The following KCNMB2 variants were observed in gnomAD, a reference collection of about 807,000 sequenced individuals.
The protein encoded by KCNMB2 is potassium calcium-activated channel subfamily M regulatory beta subunit 2.
Under a neutral mutation model 24.5 loss-of-function variants are expected in KCNMB2, and 9 were observed. The ratio of observed to expected loss-of-function variants is 0.37; its 90% confidence interval spans 0.22 to 0.64. KCNMB2 has a LOEUF of 0.64. KCNMB2 is among the 30% of genes least tolerant of loss of function. The probability of loss-of-function intolerance (pLI) is 0.63; values close to 1 mark genes in which losing one functional copy is unlikely to be tolerated. For synonymous variants in KCNMB2, 109 were observed against 104.4 expected, an observed-to-expected ratio of 1.04 and a Z score of -0.27; for missense variants, 226 against 284.3, an observed-to-expected ratio of 0.79 and a Z score of 1.47.
At chr3:178,681,548 A>G (rs929609158) in intron 1 of KCNMB2, among the ~76,000 whole-genome samples, 2 of 152,210 alleles carry the variant, frequency 1.3e-5, no homozygotes, top group Non-Finnish European at 2.9e-5. Context: ...TCTTACAACA[A>G]CCATGAAAGG....
At chr3:178,668,533 T>A (rs4491880) in intron 1 of KCNMB2, among the ~76,000 whole-genome samples, 94,068 of 151,884 alleles carry the variant, frequency 0.62, 29,125 homozygotes, top group Middle Eastern at 0.75. Flanking sequence ...TAGATAGAGG[T>A]AGGAAAAAAG....
chr3:178,733,219 C>A (rs1393810556), intron 1 of KCNMB2, among the ~76,000 whole-genome samples: 3 of 152,046 alleles, frequency 2.0e-5, no homozygotes, highest in African/African-American at 7.2e-5. Flanking sequence ...GGAACAAGAG[C>A]AATCAAAGCA....
rs755809548 is a variant in KCNMB2 at position 178,754,150 on chromosome 3, G to GTATATATATA, written c.-67-53174_-67-53165dup. 3.8e-3 allele frequency among the ~76,000 whole-genome samples: 407 copies of GTATATATATA among 106,224 alleles called. 4 individuals are homozygous for GTATATATATA. Among genetic ancestry groups the GTATATATATA allele is most frequent in the African/African-American group, 6.2e-3 (164 of 26,570 alleles). The allele number at this position is 106,224 out of a possible 152,430, so 69.7% of individuals were successfully genotyped here. ...TTTCATGGCTGAATAATATTCCATT[G>GTATATATATA]TATATATATATATATATATATATAT... On this transcript the variant is annotated intron_variant, in intron 1 of 4. Transcript: ENST00000452583.
At chr3:178,771,569 C>T (rs1712365110) in intron 1 of KCNMB2, among the ~76,000 whole-genome samples, 1 of 145,846 alleles carries the variant, frequency 6.9e-6, no homozygotes, top group Non-Finnish European at 1.5e-5. Context: ...GCAGCCTCAA[C>T]CTCCTGGGCT....
At chr3:178,836,092 T>A (rs1715217717) in intron 4 of KCNMB2, among the ~76,000 whole-genome samples, 1 of 152,010 alleles carries the variant, frequency 6.6e-6, no homozygotes, top group Non-Finnish European at 1.5e-5. Flanking sequence ...CTTCCTACCA[T>A]CACAAGGAAA....
chr3:178,771,799 C>T (rs1234599183), intron 1 of KCNMB2, among the ~76,000 whole-genome samples: 1 of 152,156 alleles, frequency 6.6e-6, no homozygotes, highest in Non-Finnish European at 1.5e-5. Context: ...TACCTCACCA[C>T]CAGATCCCTT....
chr3:178,555,317 A>G (rs1440101264), intron 1 of KCNMB2, among the ~76,000 whole-genome samples: 1 of 152,210 alleles, frequency 6.6e-6, no homozygotes, highest in East Asian at 1.9e-4. Flanking sequence ...ACAACACCCA[A>G]TTTAGTCTAA....
intron 1 of KCNMB2, among the ~76,000 whole-genome samples, chr3:178,803,161 C>T (rs187503829): frequency 4.9e-4 from 75 of 152,240 alleles, no homozygotes; most frequent in East Asian, 2.5e-3. Flanking sequence ...AACTCAGAGA[C>T]GTTAAATTGA....
chr3:178,706,260 G>A (rs147026478), intron 1 of KCNMB2, among the ~76,000 whole-genome samples: 32 of 152,220 alleles, frequency 2.1e-4, no homozygotes, highest in African/African-American at 7.5e-4. Flanking sequence ...GCAAGGTCAC[G>A]ATAATACTAA....
chr3:178,545,929 G>A (rs1344196542), intron 1 of KCNMB2, among the ~76,000 whole-genome samples: 1 of 152,162 alleles, frequency 6.6e-6, no homozygotes, highest in Non-Finnish European at 1.5e-5. Context: ...ATCATTCACT[G>A]GTTTAACTTT....
Position 178,644,869 on chromosome 3 carries a change from A to T in KCNMB2, c.-68+108158A>T, listed in dbSNP as rs199914061. Among the ~76,000 whole-genome samples, 4 of 152,120 alleles carry T rather than the reference A, an allele frequency of 2.6e-5. No individual in the cohort carries two copies. In the East Asian group the frequency reaches 7.7e-4, roughly 29 times the overall value. On this transcript the variant is annotated intron_variant, in intron 1 of 4. Coordinates refer to ENST00000452583, the MANE Select transcript of KCNMB2 (RefSeq NM_181361.3). ...GTAGAGCTTTAGTTTACCCACCTATAAAATAGGGATAAGAATGTACCAAAC... is the reference window on the plus strand; with the variant it reads ...GTAGAGCTTTAGTTTACCCACCTATTAAATAGGGATAAGAATGTACCAAAC...
At chr3:178,548,138 T>G (rs919524428) in intron 1 of KCNMB2, among the ~76,000 whole-genome samples, 1 of 152,212 alleles carries the variant, frequency 6.6e-6, no homozygotes, top group African/African-American at 2.4e-5. Flanking sequence ...TACCCTCATA[T>G]TTTTCAAAGT....
At chr3:178,668,648 T>C (rs1396353122) in intron 1 of KCNMB2, among the ~76,000 whole-genome samples, 1 of 152,118 alleles carries the variant, frequency 6.6e-6, no homozygotes, top group East Asian at 1.9e-4. Context: ...TCTAATAGTA[T>C]TGCTACAGTG....
intron 1 of KCNMB2, among the ~76,000 whole-genome samples, chr3:178,707,131 C>T (rs1722306178): frequency 6.6e-6 from 1 of 152,070 alleles, no homozygotes; most frequent in Non-Finnish European, 1.5e-5. Context: ...GCAAGTGATA[C>T]TTATTTTCAG....
intron 1 of KCNMB2, among the ~76,000 whole-genome samples, chr3:178,778,458 A>ACACACGCACGCACGTGCGCGCG (rs1194364274): frequency 2.7e-5 from 1 of 37,048 alleles, no homozygotes; most frequent in South Asian, 9.3e-4. Flanking sequence ...CCTTTAAGAC[A>ACACACGCACGCACGTGCGCGCG]CACACACACA....
chr3:178,658,237 C>T (rs1009011626), intron 1 of KCNMB2, among the ~76,000 whole-genome samples: 1 of 152,120 alleles, frequency 6.6e-6, no homozygotes, highest in Non-Finnish European at 1.5e-5. Flanking sequence ...AAGATCTTGT[C>T]AAAATAATGC....
rs529898976 is a variant in KCNMB2, at chr3:178,667,272, G to T, written c.-68+130561G>T. 3.9e-5 allele frequency among the ~76,000 whole-genome samples: 6 copies of T among 152,118 alleles called. No individual in the cohort carries two copies. The South Asian group carries it at 1.2e-3, about 32-fold the overall frequency. On this transcript the variant is annotated intron_variant, in intron 1 of 4. Transcript: ENST00000452583. ...AGACCATGTGCTATTGTTTGAATGTGTCCCCTCCAAAGTTTAGATGGGGCC... is the reference window on the plus strand; with the variant it reads ...AGACCATGTGCTATTGTTTGAATGTTTCCCCTCCAAAGTTTAGATGGGGCC...
chr3:178,637,264 T>A (rs190824605), intron 1 of KCNMB2, among the ~76,000 whole-genome samples: 2 of 152,332 alleles, frequency 1.3e-5, no homozygotes, highest in African/African-American at 2.4e-5. Context: ...CTTCTAGGTC[T>A]TTGAGGAATA....
At chr3:178,789,860 G>A (rs1713253049) in intron 1 of KCNMB2, among the ~76,000 whole-genome samples, 1 of 152,072 alleles carries the variant, frequency 6.6e-6, no homozygotes, top group Non-Finnish European at 1.5e-5. Context: ...AGCAAGTCCT[G>A]ATGCTGTGCT....
Sources: gnomAD v4.1 joint callset for allele counts (sites outside exome capture counted in the v4.1 genomes callset) on GRCh38, gnomAD v4.1.1 for gene constraint, MANE v1.5 for transcripts, NCBI Gene and HGNC (gene_info 2026-07-23, HGNC 2026-07-21) for gene names.